The following PCDHA11 variants were observed in gnomAD, a reference collection of about 807,000 sequenced individuals.
PCDHA11 encodes protocadherin alpha 11.
A neutral mutation model predicts 70.3 loss-of-function variants in PCDHA11; 61 were observed. The ratio of observed to expected loss-of-function variants is 0.87; its 90% CI spans 0.71 to 1.07. The LOEUF is 1.07. Among genes scored for constraint, PCDHA11 ranks in the 50% least tolerant of loss-of-function variants. The pLI is 0.00. For synonymous variants in PCDHA11, 633 were observed against 555.1 expected, an observed-to-expected ratio of 1.14 and a Z score of -1.97; for missense variants, 1,324 against 1,237.5, an observed-to-expected ratio of 1.07 and a Z score of -1.05.
intron 1 of PCDHA11, among the ~76,000 whole-genome samples, chr5:140,911,235 A>G (rs1426271043): frequency 1.3e-5 from 2 of 152,146 alleles, no homozygotes; most frequent in Non-Finnish European, 2.9e-5. Flanking sequence ...TTCTTCTGGC[A>G]AAAAAAGTTT....
Position 140,914,249 on chromosome 5 carries a change from G to T in PCDHA11, c.2391+42755G>T, listed in dbSNP as rs186578589. 2.8e-3 allele frequency among the ~76,000 whole-genome samples: 422 copies of T among 152,092 alleles called. 2 individuals carry two copies. Among genetic ancestry groups the T allele is most frequent in the Middle Eastern group, 0.014 (4 of 294 alleles). ...AATACTATTTGCTTTTTATATCTGG[G>T]TGCTTCAATGGTGGGTGCATATATA... is the stretch of plus-strand genomic sequence containing the variant. On this transcript the variant is annotated intron_variant, in intron 1 of 3. Coordinates refer to ENST00000398640, the MANE Select transcript of PCDHA11 (RefSeq NM_018902.5).
In PCDHA11 at chr5:141,010,350, G is replaced by A; in HGVS notation, c.*413G>A. The A allele has an allele frequency of 6.6e-7, 1 of 1,515,722 alleles. No individual in the cohort carries two copies. Among genetic ancestry groups the A allele is most frequent in the Non-Finnish European group, 8.8e-7 (1 of 1,132,152 alleles). The allele number at this position is 1,515,722 out of a possible 1,614,324, so 93.9% of individuals were successfully genotyped here. A position where few individuals can be genotyped will look rare whatever the true frequency, so the allele number is the denominator to read the frequency against. ...GGGAGTTTGTGGCCACTGGGTATGT[G>A]TGGCTACCGCGGGTATGCGAGTGCC... is the stretch of plus-strand genomic sequence containing the variant. On this transcript the variant is annotated 3_prime_UTR_variant, in exon 4 of 4. Transcript: ENST00000398640.
intron 1 of PCDHA11, among the ~76,000 whole-genome samples, chr5:140,925,244 G>A (rs1403438242): frequency 1.3e-5 from 2 of 152,070 alleles, no homozygotes; most frequent in African/African-American, 4.8e-5. Context: ...AATATGTCCT[G>A]GAAACTTTAA....
intron 1 of PCDHA11, chr5:140,875,556 C>G (rs781896642): frequency 6.2e-7 from 1 of 1,614,128 alleles, no homozygotes; most frequent in East Asian, 2.2e-5. Flanking sequence ...AGGTGGGGAG[C>G]GGCCAGCTCC....
At chr5:140,912,243 AATCTCCTTTGATGAC>A (rs2075829981) in intron 1 of PCDHA11, among the ~76,000 whole-genome samples, 1 of 152,012 alleles carries the variant, frequency 6.6e-6, no homozygotes, top group Admixed American at 6.6e-5. Context: ...CTCAAATGTT[AATCTCCTTTGATGAC>A]ACCCTCACAG....
intron 1 of PCDHA11, chr5:140,875,748 C>T (rs2055764549): frequency 6.2e-7 from 1 of 1,614,078 alleles, no homozygotes; most frequent in South Asian, 1.1e-5. Flanking sequence ...GGATCGACCG[C>T]GAGAAGCTGT....
intron 3 of PCDHA11, among the ~76,000 whole-genome samples, chr5:141,000,387 C>A (rs868946328): frequency 8.2e-4 from 55 of 66,860 alleles, no homozygotes; most frequent in African/African-American, 2.7e-3. Context: ...CTCTCTCTCT[C>A]TCTCTCTCTA....
intron 1 of PCDHA11, among the ~76,000 whole-genome samples, chr5:140,974,152 G>A (rs183558718): frequency 4.2e-4 from 64 of 152,284 alleles, no homozygotes; most frequent in Admixed American, 2.4e-3. Flanking sequence ...CTATACAAGG[G>A]TTTTTCTTTC....
In PCDHA11 at chr5:141,010,929, T is replaced by G. The variant is rs782088449; in HGVS notation, c.*992T>G. 1 of 153,778 alleles carries G rather than the reference T, an allele frequency of 6.5e-6. No homozygotes were observed. Among genetic ancestry groups the G allele is most frequent in the Non-Finnish European group, 1.5e-5 (1 of 68,048 alleles). 9.5% of individuals were successfully genotyped at this position (153,778 alleles called of 1,614,324 possible). A position where few individuals can be genotyped will look rare whatever the true frequency, so the allele number is the denominator to read the frequency against. ...AAACTCTCCTCAAAAGAGAATTCAG[T>G]CTACAGCCATTTAAATGATCATTGC... On this transcript the variant is annotated 3_prime_UTR_variant, in exon 4 of 4. Transcript: ENST00000398640.
intron 1 of PCDHA11, among the ~76,000 whole-genome samples, chr5:140,954,491 T>C (rs1554221443): frequency 6.6e-6 from 1 of 152,264 alleles, no homozygotes; most frequent in Non-Finnish European, 1.5e-5. Flanking sequence ...TATTTCATTG[T>C]GGTTTTGATT....
At chr5:140,976,232 G>C (rs2096707189) in intron 1 of PCDHA11, among the ~76,000 whole-genome samples, 1 of 152,098 alleles carries the variant, frequency 6.6e-6, no homozygotes, top group Non-Finnish European at 1.5e-5. Flanking sequence ...AAAAATATAT[G>C]TCATTTCATG....
chr5:140,884,060 G>T (rs781956914), intron 1 of PCDHA11: 1 of 1,613,430 alleles, frequency 6.2e-7, no homozygotes, highest in African/African-American at 1.3e-5. Flanking sequence ...GCGCGCGGTG[G>T]ACGCCGATTC....
In PCDHA11 at chr5:141,010,893, A is replaced by G. The variant is rs76323061; in HGVS notation, c.*956A>G. On this transcript the variant is annotated 3_prime_UTR_variant, in exon 4 of 4. Transcript: ENST00000398640. ...TAAATCTTTAAAGAGAAATATGAAT[A>G]CAATTCCCCTAAACTCTCCTCAAAA... is the stretch of plus-strand genomic sequence containing the variant. 0.018 allele frequency: 2,808 copies of G among 153,906 alleles called. 48 individuals are homozygous for G. The highest frequency in any genetic ancestry group is 0.029 in the Non-Finnish European group (1,995 of 68,040). 9.5% of individuals were successfully genotyped at this position (153,906 alleles called of 1,614,324 possible).
In PCDHA11 at chr5:140,922,322, GA is replaced by G. The variant is rs2080774913; in HGVS notation, c.2391+50831del. Among the ~76,000 whole-genome samples the G allele has an allele frequency of 2.0e-5, 3 of 152,302 alleles. No homozygotes were observed. The East Asian group carries it at 5.8e-4, about 29-fold the overall frequency. ...AGGATACCTTTCACTGAAGATCTTG[GA>G]AAGGGTTGGTATATTGGTATTTTCT... On this transcript the variant is annotated intron_variant, in intron 1 of 3. Transcript: ENST00000398640.
chr5:140,945,596 T>C (rs2093812585), intron 1 of PCDHA11, among the ~76,000 whole-genome samples: 1 of 152,060 alleles, frequency 6.6e-6, no homozygotes, highest in Admixed American at 6.6e-5. Context: ...ACTTCAAAGC[T>C]ATAATAATCA....
intron 1 of PCDHA11, among the ~76,000 whole-genome samples, chr5:140,912,281 A>G (rs571303094): frequency 3.3e-5 from 5 of 152,200 alleles, no homozygotes; most frequent in Non-Finnish European, 7.4e-5. Context: ...ATACCCAGGA[A>G]CAATACTTTG....
intron 1 of PCDHA11, among the ~76,000 whole-genome samples, chr5:140,901,805 T>G (rs115665679): frequency 0.012 from 1,857 of 152,304 alleles, 44 homozygotes; most frequent in African/African-American, 0.042. Context: ...TGAACATTTT[T>G]ACAATATTGA....
At chr5:140,967,422 A>C in intron 1 of PCDHA11, 6 of 1,613,338 alleles carry the variant, frequency 3.7e-6, no homozygotes, top group East Asian at 2.2e-5. Flanking sequence ...GACCGGGAGC[A>C]GGCAGCCTTG....
At chr5:140,927,526 G>T in intron 1 of PCDHA11, 3 of 1,614,086 alleles carry the variant, frequency 1.9e-6, no homozygotes, top group Non-Finnish European at 2.5e-6. Flanking sequence ...CGGGCTACCT[G>T]CCCGCTCAGG....
Sources: gnomAD v4.1 joint callset for allele counts (sites outside exome capture counted in the v4.1 genomes callset) on GRCh38, gnomAD v4.1.1 for gene constraint, MANE v1.5 for transcripts, NCBI Gene and HGNC (gene_info 2026-07-23, HGNC 2026-07-21) for gene names.